COA8: variants seen among roughly 807,000 people sequenced by gnomAD.
COA8 encodes cytochrome c oxidase assembly factor 8.
Under a neutral mutation model 22.0 loss-of-function variants are expected in COA8, and 20 were observed. The observed-to-expected ratio is 0.91, with a 90% CI of 0.64 to 1.32. The LOEUF (loss-of-function observed/expected upper bound fraction) is 1.32, where lower values mean the gene tolerates loss of function less well. COA8 is among the 40% of genes most tolerant of loss of function. COA8 has a pLI of 0.00. For synonymous variants in COA8, 105 were observed against 79.9 expected, an observed-to-expected ratio of 1.31 and a Z score of -1.68; for missense variants, 266 against 230.0, an observed-to-expected ratio of 1.16 and a Z score of -1.01.
rs1194734976 is a variant in COA8, at chr14:103,581,193, A to C, written c.386-6081A>C. Among the ~76,000 whole-genome samples, 1 of 152,152 alleles carries C rather than the reference A, an allele frequency of 6.6e-6. No homozygotes were observed. Among genetic ancestry groups the C allele is most frequent in the Non-Finnish European group, 1.5e-5 (1 of 68,036 alleles). On this transcript the variant is annotated intron_variant, in intron 3 of 4. Coordinates refer to ENST00000409074, the MANE Select transcript of COA8 (RefSeq NM_001370595.2). This position sits in a 1 kb window ranked among gnomAD's most constrained non-coding sequence, Gnocchi z 4.1. ...AACCTCCTATCGATACCAAGGGACA[A>C]CTTTTCATTTTTAGCTATGATAAAG...
Position 103,563,016 on chromosome 14 carries a change from G to A in COA8, c.15G>A (p.Arg5=), listed in dbSNP as rs977121141. Reference sequence around the variant, plus strand: ...GGCGTGGGGCCATGGTGGTCTTGCGGGCGGGGAAGAAGACCTTTCTCCCCC... The same window carrying A: ...GGCGTGGGGCCATGGTGGTCTTGCGAGCGGGGAAGAAGACCTTTCTCCCCC... MVVL[R]AGKKTFLPPL... Residue 5 remains arginine, a synonymous_variant, in exon 1 of 5, where the codon CGG becomes CGA. Coordinates refer to ENST00000409074, the MANE Select transcript of COA8 (RefSeq NM_001370595.2). 6 of 1,558,064 alleles carry A rather than the reference G, an allele frequency of 3.9e-6. No homozygotes were observed. The South Asian group carries it at 4.6e-5, about 12-fold the overall frequency.
Position 103,590,516 on chromosome 14 carries a change from C to T in COA8, c.*230C>T. On this transcript the variant is annotated 3_prime_UTR_variant, in exon 5 of 5. Coordinates refer to ENST00000409074, the MANE Select transcript of COA8 (RefSeq NM_001370595.2). ...TCACGTACGTGGTGTGAAATAAAGC[C>T]CAAGCACTGGGTGCCCGTTTCCTGT... 2.2e-6 allele frequency: 1 copy of T among 459,754 alleles called. No homozygotes were observed. The highest frequency in any genetic ancestry group is 3.9e-6 in the Non-Finnish European group (1 of 258,224). The allele number at this position is 459,754 out of a possible 1,614,324, so 28.5% of individuals were successfully genotyped here. A position where few individuals can be genotyped will look rare whatever the true frequency, so the allele number is the denominator to read the frequency against.
intron 4 of COA8, 58 bp downstream of exon 4, chr14:103,587,422 G>GT: frequency 8.8e-7 from 1 of 1,132,830 alleles, no homozygotes. Flanking sequence ...AGGTAGGAGT[G>GT]TTTTCTTACC....
At chr14:103,563,148 G>GA in intron 1 of COA8, 24 bp downstream of exon 1, 1 of 1,539,862 alleles carries the variant, frequency 6.5e-7, no homozygotes. Flanking sequence ...TGGGGACATT[G>GA]GGCCGGGAGG....
chr14:103,577,283 C>G (rs1384434792), intron 3 of COA8, among the ~76,000 whole-genome samples: 14 of 152,000 alleles, frequency 9.2e-5, no homozygotes, highest in Admixed American at 9.2e-4. Context: ...ACCATGTTGA[C>G]CAGGCTGGTC....
chr14:103,570,711 C>T (rs1446815848), intron 1 of COA8, among the ~76,000 whole-genome samples: 1 of 152,058 alleles, frequency 6.6e-6, no homozygotes, highest in Non-Finnish European at 1.5e-5. Flanking sequence ...CTAGCCTGGG[C>T]GATAGAGCGA....
intron 1 of COA8, 116 bp downstream of exon 1, chr14:103,563,240 T>C (rs958545435): frequency 1.5e-6 from 2 of 1,363,178 alleles, no homozygotes; most frequent in South Asian, 1.2e-5. Flanking sequence ...GTCCAGGTGC[T>C]CTCGCGTCCT....
chr14:103,563,215 C>G, intron 1 of COA8, 91 bp downstream of exon 1: 1 of 1,474,558 alleles, frequency 6.8e-7, no homozygotes, highest in South Asian at 1.2e-5. Flanking sequence ...TTCTGCACAG[C>G]CGCCTCAGGC....
At chr14:103,574,549 C>A in intron 3 of COA8, 1 of 432,936 alleles carries the variant, frequency 2.3e-6, no homozygotes. Flanking sequence ...AGTGTTAGGC[C>A]TGAATAACAT....
intron 3 of COA8, among the ~76,000 whole-genome samples, chr14:103,587,002 C>G (rs1378874303): frequency 2.0e-5 from 3 of 152,164 alleles, no homozygotes; most frequent in Non-Finnish European, 4.4e-5. Flanking sequence ...CTGCACCTAG[C>G]CTATTTTGTA....
intron 4 of COA8, chr14:103,588,116 C>CAAAAAAAAAAA (rs1221577064): frequency 1.6e-5 from 1 of 62,270 alleles, no homozygotes; most frequent in African/African-American, 8.9e-5. Context: ...AACTCCATCT[C>CAAAAAAAAAAA]AAAAAAAAAA....
chr14:103,574,242 G>GGGC (rs1177141089), intron 3 of COA8, 72 bp downstream of exon 3: 1 of 1,598,002 alleles, frequency 6.3e-7, no homozygotes, highest in African/African-American at 1.3e-5. Flanking sequence ...GGGAAAGGAA[G>GGGC]GGCGGTGAGA....
intron 3 of COA8, among the ~76,000 whole-genome samples, chr14:103,575,891 C>T (rs536104651): frequency 1.3e-5 from 2 of 152,162 alleles, no homozygotes; most frequent in Admixed American, 6.5e-5. Flanking sequence ...TTTGTAGAGA[C>T]GGAGTTTTGC....
At chr14:103,574,076 GCCT>G in intron 2 of COA8, 28 bp from the exon 3 acceptor site, 2 of 980,454 alleles carry the variant, frequency 2.0e-6, no homozygotes, top group Non-Finnish European at 1.4e-6. Context: ...AGTTCTGAGA[GCCT>G]TTTTTTTTTT....
chr14:103,565,498 T>C (rs2142273349), intron 1 of COA8, among the ~76,000 whole-genome samples: 1 of 152,304 alleles, frequency 6.6e-6, no homozygotes, highest in South Asian at 2.1e-4. Flanking sequence ...CTGACTCTTT[T>C]AGTTCTTTTT....
chr14:103,582,405 G>A (rs2076274576), intron 3 of COA8, among the ~76,000 whole-genome samples: 1 of 152,202 alleles, frequency 6.6e-6, no homozygotes, highest in African/African-American at 2.4e-5. Flanking sequence ...GCCTGAGCGT[G>A]GCCACCGCCC....
intron 1 of COA8, chr14:103,567,634 C>T: frequency 6.5e-6 from 1 of 152,806 alleles, no homozygotes; most frequent in Non-Finnish European, 1.5e-5. Context: ...AGTCCACCTA[C>T]CTCGGCTTCC....
chr14:103,588,480 A>AT (rs1555414272), intron 4 of COA8, among the ~76,000 whole-genome samples: 71 of 143,900 alleles, frequency 4.9e-4, no homozygotes, highest in African/African-American at 1.5e-3. Context: ...TAATTAAAAA[A>AT]ATATATATAT....
chr14:103,571,683 T>C lies in COA8; in HGVS notation c.184T>C (p.Tyr62His). 2 of 1,614,180 alleles carry C rather than the reference T, an allele frequency of 1.2e-6. No homozygotes were observed. The highest frequency in any genetic ancestry group is 1.7e-6 in the Non-Finnish European group (2 of 1,180,028). ...CHDWIGPPDK[Y>H]SNLRPVHFYI... is the part of the protein sequence containing the mutation. ...TGATTGGATAGGACCCCCAGATAAA[T>C]ATTCAAACCTTCGACCTGTTCACTT... Residue 62 changes from tyrosine (Y) to histidine (H), a missense_variant, in exon 2 of 5, where the codon TAT becomes CAT. Physicochemically the swap from Tyr to His is moderately conservative, Grantham distance 83. Coordinates refer to ENST00000409074, the MANE Select transcript of COA8 (RefSeq NM_001370595.2).
Sources: allele counts gnomAD v4.1 joint callset (sites outside exome capture counted in the v4.1 genomes callset), GRCh38; gene constraint gnomAD v4.1.1; non-coding constraint Gnocchi (gnomAD v3.1); transcripts MANE v1.5; gene names NCBI Gene and HGNC (gene_info 2026-07-23, HGNC 2026-07-21).